The following TBX3 variants were observed in gnomAD, a reference collection of about 807,000 sequenced individuals.
TBX3 encodes the protein T-box transcription factor TBX3.
A neutral mutation model predicts 47.8 loss-of-function variants in TBX3; 11 were observed. The observed-to-expected ratio is 0.23, with a 90% CI of 0.14 to 0.38. The LOEUF (loss-of-function observed/expected upper bound fraction) is 0.38, where lower values mean the gene tolerates loss of function less well. Ranked by LOEUF, TBX3 falls within the 10% of genes least tolerant of loss-of-function variation. The pLI is 1.00. For missense variants in TBX3, 927 were observed against 1,022.8 expected (o/e 0.91, Z 1.28); for synonymous variants, 500 against 449.3 (o/e 1.11, Z -1.43).
Position 114,683,206 on chromosome 12 carries a change from C to A in TBX3, c.-6G>T. 1.2e-6 allele frequency: 2 copies of A among 1,608,238 alleles called. No homozygotes were observed. Among genetic ancestry groups the A allele is most frequent in the Non-Finnish European group, 1.7e-6 (2 of 1,176,716 alleles). ...TCTCTCATGGAGAGGCTCATCCACT[C>A]CAGGCGGGGCGCTGGGCTCCAGCCG... On this transcript the variant is annotated 5_prime_UTR_variant, in exon 1 of 7. Transcript: ENST00000349155. The surrounding 1 kb of genome is among the most constrained non-coding windows in gnomAD (Gnocchi z 7.7).
At chr12:114,682,779 A>C (rs1182481495) in intron 1 of TBX3, 33 bp downstream of exon 1, 1 of 1,613,936 alleles carries the variant, frequency 6.2e-7, no homozygotes, top group African/African-American at 1.3e-5. Context: ...AAAACTCTCC[A>C]ACAGCTTAGG....
intron 6 of TBX3, among the ~76,000 whole-genome samples, 169 bp from the exon 7 acceptor site, chr12:114,672,471 G>A (rs1412982759): frequency 2.6e-5 from 4 of 151,462 alleles, no homozygotes; most frequent in Non-Finnish European, 5.9e-5. Context: ...GGTGGGGGCA[G>A]GAGAGAAGTC....
intron 5 of TBX3, 144 bp from the exon 6 acceptor site, chr12:114,674,979 C>G: frequency 9.3e-7 from 1 of 1,078,242 alleles, no homozygotes; most frequent in Non-Finnish European, 1.4e-6. Flanking sequence ...CTCTCTGCAC[C>G]TCAGTGTTGT....
chr12:114,676,868 C>T (rs553481074), intron 4 of TBX3, among the ~76,000 whole-genome samples: 9 of 152,326 alleles, frequency 5.9e-5, no homozygotes, highest in African/African-American at 1.7e-4. Flanking sequence ...GCAAACACAA[C>T]GCTGTCTGTC....
Position 114,682,996 on chromosome 12 carries a change from C to A in TBX3, c.205G>T (p.Val69Leu). Reference protein sequence around the residue: ...ALAKPIMDQLVGAAETGIPFS... With the variant: ...ALAKPIMDQLLGAAETGIPFS... ...GGGATGCCGGTCTCGGCCGCCCCCA[C>A]CAATTGATCCATGATCGGCTTGGCC... Residue 69 changes from valine to leucine, a missense_variant, in exon 1 of 7, where the codon GTG becomes TTG. Physicochemically the swap from Val to Leu is conservative, Grantham distance 32 (BLOSUM62 1). This residue lies in a region of TBX3 where 216 missense variants were observed against 281.2 expected (regional missense o/e 0.77). Coordinates refer to ENST00000349155, the MANE Select transcript of TBX3 (RefSeq NM_005996.4). 1 of 1,614,018 alleles carries A rather than the reference C, an allele frequency of 6.2e-7. No individual in the cohort carries two copies. The highest frequency in any genetic ancestry group is 1.1e-5 in the South Asian group (1 of 91,078).
Position 114,671,896 on chromosome 12 carries a change from C to A in TBX3, c.2117G>T (p.Arg706Leu), listed in dbSNP as rs558420030. Reference protein sequence around the residue: ...AATSELQSIQRLVSGLEAKPD... With the variant: ...AATSELQSIQLLVSGLEAKPD... ...CTTGGCTTCCAAGCCGCTAACCAAC[C>A]GCTGGATGCTCTGCAGTTCGCTGGT... Residue 706 changes from arginine to leucine, a missense_variant, in exon 7 of 7, where the codon CGG (arginine) becomes CTG (leucine). Physicochemically the swap from Arg to Leu is moderately radical, Grantham distance 102. This residue lies in a region of TBX3 where 623 missense variants were observed against 569.0 expected (regional missense o/e 1.09). Coordinates refer to ENST00000349155, the MANE Select transcript of TBX3 (RefSeq NM_005996.4). 1.9e-6 allele frequency: 3 copies of A among 1,578,254 alleles called. No individual in the cohort carries two copies. Among genetic ancestry groups the A allele is most frequent in the East Asian group, 2.3e-5 (1 of 42,898 alleles).
At position 114,683,262 on chromosome 12, in the gene TBX3, G is replaced by GT. The variant is rs542734700; in HGVS notation, c.-63dup. On this transcript the variant is annotated 5_prime_UTR_variant, in exon 1 of 7. Transcript: ENST00000349155. The surrounding 1 kb of genome is among the most constrained non-coding windows in gnomAD (Gnocchi z 7.7). ...AAGTCCGCAGCTGCTGTGTTTTGTT[G>GT]TTTTTTTGTTGTTGTTTAACAGCAG... The GT allele has an allele frequency of 6.4e-4, 1,014 of 1,586,424 alleles. 12 individuals are homozygous for GT. The South Asian group carries it at 9.6e-3, about 15-fold the overall frequency.
Position 114,671,739 on chromosome 12 carries a change from G to A in TBX3, c.*102C>T. ...CCCCTTCCCAGACGCAACTGCAAAA[G>A]GAAGGGCTAACGCCATGGCGGGCCC... On this transcript the variant is annotated 3_prime_UTR_variant, in exon 7 of 7. Transcript: ENST00000349155. 6.8e-7 allele frequency: 1 copy of A among 1,469,780 alleles called. No individual in the cohort carries two copies. The highest frequency in any genetic ancestry group is 2.0e-5 in the Admixed American group (1 of 50,882). The allele number at this position is 1,469,780 out of a possible 1,614,324, so 91.0% of individuals were successfully genotyped here. A position where few individuals can be genotyped will look rare whatever the true frequency, so the allele number is the denominator to read the frequency against.
rs1253243142 is a variant in TBX3 at position 114,671,065 on chromosome 12, G to A, written c.*776C>T. On this transcript the variant is annotated 3_prime_UTR_variant, in exon 7 of 7. Transcript: ENST00000349155. ...TAGATATAATAAATTCATTTTATGT[G>A]TTTTGCCCACTCCTTCCCTTTAAAT... 9.7e-6 allele frequency: 2 copies of A among 206,892 alleles called. No individual in the cohort carries two copies. Among genetic ancestry groups the A allele is most frequent in the Admixed American group, 6.0e-5 (1 of 16,794 alleles). The allele number at this position is 206,892 out of a possible 1,614,324, so 12.8% of individuals were successfully genotyped here.
Position 114,674,637 on chromosome 12 carries a change from G to A in TBX3, c.1238C>T (p.Pro413Leu), listed in dbSNP as rs1868619606. The change falls in exon 6 of 7, where the codon CCC becomes CTC. Residue 413 changes from proline to leucine, a missense_variant. Physicochemically the swap from Pro to Leu is moderately conservative, Grantham distance 98 (BLOSUM62 -3). Transcript: ENST00000349155. ...RDSGRLDKAS[P>L]DSRHSPATIS... The stretch of plus-strand genomic sequence containing the variant: ...GGTGGCGGGGCTATGGCGTGAGTCG[G>A]GCGACGCTTTGTCCAGCCGCCCGCT... 3 of 1,606,768 alleles carry A rather than the reference G, an allele frequency of 1.9e-6. No individual in the cohort carries two copies. The South Asian group carries it at 3.3e-5, about 18-fold the overall frequency.
Position 114,672,242 on chromosome 12 carries a change from C to T in TBX3, c.1771G>A (p.Ala591Thr), listed in dbSNP as rs766569858. The change falls in exon 7 of 7, where the codon GCG (alanine) becomes ACG (threonine). Residue 591 changes from alanine (A) to threonine (T), a missense_variant. Physicochemically the swap from Ala to Thr is moderately conservative, Grantham distance 58. Around this residue, in one of 5 missense-constraint regions of TBX3, gnomAD observed 623 missense variants for 569.0 expected, o/e 1.09. Coordinates refer to ENST00000349155, the MANE Select transcript of TBX3 (RefSeq NM_005996.4). Reference sequence around the variant, plus strand: ...GCTGCCGCAGAGGAGGCGGCCGCCGCTGCGGCCATGTACGTGTAGGGGTAA... The same window carrying T: ...GCTGCCGCAGAGGAGGCGGCCGCCGTTGCGGCCATGTACGTGTAGGGGTAA... ...FPYPYTYMAAAAAASSAAASS... is the reference protein window; with the variant it reads ...FPYPYTYMAATAAASSAAASS... 1 of 1,575,366 alleles carries T rather than the reference C, an allele frequency of 6.3e-7. No homozygotes were observed. The highest frequency in any genetic ancestry group is 1.2e-5 in the South Asian group (1 of 86,090).
intron 1 of TBX3, among the ~76,000 whole-genome samples, 178 bp from the exon 2 acceptor site, chr12:114,681,324 C>T (rs546541358): frequency 1.1e-3 from 171 of 152,294 alleles, no homozygotes; most frequent in Non-Finnish European, 1.6e-3. Context: ...CCACAACTAA[C>T]GTATTAAATA....
At chr12:114,682,268 G>A (rs1868964457) in intron 1 of TBX3, among the ~76,000 whole-genome samples, 1 of 152,076 alleles carries the variant, frequency 6.6e-6, no homozygotes, top group Non-Finnish European at 1.5e-5. Context: ...AAGTAGTGTG[G>A]GCAAACAAAC....
chr12:114,674,738 C>CGTGGTG lies in TBX3; in HGVS notation c.1131_1136dup (p.Thr378_Thr379dup). 1 of 1,596,896 alleles carries CGTGGTG rather than the reference C, an allele frequency of 6.3e-7. No individual in the cohort carries two copies. The highest frequency in any genetic ancestry group is 8.5e-7 in the Non-Finnish European group (1 of 1,175,866). ...CCTTGTCACGGCAGGGCTCCTCCGA[C>CGTGGTG]GTGGTGGTGGAGATCTTGGCCGCGT... On this transcript the variant is annotated inframe_insertion, in exon 6 of 7. Transcript: ENST00000349155.
chr12:114,671,028 T>G lies in TBX3; in HGVS notation c.*813A>C. 1 of 204,334 alleles carries G rather than the reference T, an allele frequency of 4.9e-6. No homozygotes were observed. Among genetic ancestry groups the G allele is most frequent in the Non-Finnish European group, 1.0e-5 (1 of 99,742 alleles). The allele number at this position is 204,334 out of a possible 1,614,324, so 12.7% of individuals were successfully genotyped here. The stretch of plus-strand genomic sequence containing the variant: ...AACTGTCAAAGAACGACATGAATCC[T>G]GCTACAGAGCTTAGATATAATAAAT... On this transcript the variant is annotated 3_prime_UTR_variant, in exon 7 of 7. Coordinates refer to ENST00000349155, the MANE Select transcript of TBX3 (RefSeq NM_005996.4).
At chr12:114,678,929 T>C (rs1868816678) in intron 3 of TBX3, among the ~76,000 whole-genome samples, 1 of 151,908 alleles carries the variant, frequency 6.6e-6, no homozygotes, top group South Asian at 2.1e-4. Flanking sequence ...ACAACTCGAT[T>C]AATATGACCC....
Position 114,678,022 on chromosome 12 carries a change from A to T in TBX3, c.805-366T>A, listed in dbSNP as rs947621200. 2.0e-3 allele frequency among the ~76,000 whole-genome samples: 223 copies of T among 111,438 alleles called. 2 individuals carry two copies. Among genetic ancestry groups the T allele is most frequent in the Middle Eastern group, 4.3e-3 (1 of 232 alleles). The allele number at this position is 111,438 out of a possible 152,430, so 73.1% of individuals were successfully genotyped here. On this transcript the variant is annotated intron_variant, in intron 3 of 6. Coordinates refer to ENST00000349155, the MANE Select transcript of TBX3 (RefSeq NM_005996.4). Reference sequence around the variant, plus strand: ...TCATAAATTATAGCATACTCCCTTCACACACACACACACACACACACACAC... The same window carrying T: ...TCATAAATTATAGCATACTCCCTTCTCACACACACACACACACACACACAC...
Position 114,672,447 on chromosome 12 carries a change from T to G in TBX3, c.1711-145A>C, listed in dbSNP as rs1532691. 0.56 allele frequency: 246,289 copies of G among 436,028 alleles called. 68,688 individuals carry two copies. Among genetic ancestry groups the G allele is most frequent in the African/African-American group, 0.71 (30,125 of 42,546 alleles). The allele number at this position is 436,028 out of a possible 1,614,324, so 27.0% of individuals were successfully genotyped here. A position where few individuals can be genotyped will look rare whatever the true frequency, so the allele number is the denominator to read the frequency against. On this transcript the variant is annotated intron_variant, in intron 6 of 6. Transcript: ENST00000349155. ...GTTGTTGTTGTTGTGTTTTTTTTTTTGGGGGGGGAGATAGGTGGGGGCAGG... is the reference window on the plus strand; with the variant it reads ...GTTGTTGTTGTTGTGTTTTTTTTTTGGGGGGGGGAGATAGGTGGGGGCAGG...
chr12:114,676,546 A>G lies in TBX3; in HGVS notation c.882-76T>C, dbSNP rs1056075316. On this transcript the variant is annotated intron_variant, in intron 4 of 6. Coordinates refer to ENST00000349155, the MANE Select transcript of TBX3 (RefSeq NM_005996.4). ...TCTTTGTTTCCCTTACCCTTTCCAA[A>G]GCGGCACACACATACCTCACACCCT... The G allele has an allele frequency of 3.3e-5, 52 of 1,585,820 alleles. No individual in the cohort carries two copies. In the African/African-American group the frequency reaches 5.9e-4, roughly 18 times the overall value.
Sources: gnomAD v4.1 joint callset for allele counts (sites outside exome capture counted in the v4.1 genomes callset) on GRCh38, gnomAD v4.1.1 for gene constraint, gnomAD v4.1.1 regional missense constraint, Gnocchi (gnomAD v3.1) non-coding constraint, MANE v1.5 for transcripts, NCBI Gene and HGNC (gene_info 2026-07-23, HGNC 2026-07-21) for gene names.